The following PRTG variants were observed in gnomAD, a reference collection of about 807,000 sequenced individuals.
PRTG encodes protogenin.
PRTG carries 67 observed loss-of-function variants against 122.5 expected under a neutral mutation model. The observed-to-expected ratio is 0.55, with a 90% confidence interval of 0.45 to 0.67. PRTG has a LOEUF of 0.67. Ranked by LOEUF, PRTG falls within the 30% of genes least tolerant of loss-of-function variation. The pLI is 0.00. For missense variants in PRTG, 1,435 were observed against 1,415.4 expected (o/e 1.01, Z -0.22); for synonymous variants, 554 against 501.1 (o/e 1.11, Z -1.41).
intron 11 of PRTG, among the ~76,000 whole-genome samples, chr15:55,659,427 T>C (rs1371780502): frequency 1.3e-5 from 2 of 152,118 alleles, no homozygotes; most frequent in East Asian, 3.9e-4. Flanking sequence ...TCCTATTATC[T>C]TTCAGATCTC....
chr15:55,687,525 C>T (rs1214498245), intron 2 of PRTG, among the ~76,000 whole-genome samples: 1 of 152,134 alleles, frequency 6.6e-6, no homozygotes, highest in East Asian at 1.9e-4. Context: ...TTGAGCAGTT[C>T]CCCTTTTTTC....
intron 8 of PRTG, among the ~76,000 whole-genome samples, chr15:55,677,501 T>C (rs2059509237): frequency 6.6e-6 from 1 of 152,190 alleles, no homozygotes; most frequent in South Asian, 2.1e-4. Context: ...ATACCTTGTC[T>C]GGAATGAAAT....
At chr15:55,672,665 A>T in intron 10 of PRTG, 32 bp from the exon 11 acceptor site, 2 of 1,544,808 alleles carry the variant, frequency 1.3e-6, no homozygotes, top group Non-Finnish European at 1.8e-6. Flanking sequence ...TGTATGTATA[A>T]ACAACCCAAT....
intron 4 of PRTG, 21 bp downstream of exon 4, chr15:55,682,343 A>G (rs773792162): frequency 2.6e-6 from 4 of 1,547,776 alleles, no homozygotes; most frequent in African/African-American, 1.4e-5. Flanking sequence ...ATAAAAATGG[A>G]AAAACCACTC....
At chr15:55,710,727 A>G (rs977603708) in intron 2 of PRTG, among the ~76,000 whole-genome samples, 6 of 152,058 alleles carry the variant, frequency 3.9e-5, no homozygotes, top group Non-Finnish European at 5.9e-5. Context: ...TATTGCATTC[A>G]CTTGATTCCT....
chr15:55,645,910 A>C (rs2059319879), intron 11 of PRTG, among the ~76,000 whole-genome samples: 1 of 152,228 alleles, frequency 6.6e-6, no homozygotes, highest in Non-Finnish European at 1.5e-5. Context: ...AAAGCCCAGA[A>C]AGGGAAGGAG....
chr15:55,725,679 G>T (rs1189303026), intron 2 of PRTG, among the ~76,000 whole-genome samples: 1 of 152,038 alleles, frequency 6.6e-6, no homozygotes, highest in East Asian at 1.9e-4. Context: ...TACAATAAAT[G>T]CAAGTGGATT....
intron 2 of PRTG, among the ~76,000 whole-genome samples, chr15:55,737,213 A>G (rs187165439): frequency 8.1e-4 from 123 of 152,364 alleles, no homozygotes; most frequent in African/African-American, 2.9e-3. Flanking sequence ...CAGCTAGAAA[A>G]AGGGCATCCC....
At chr15:55,715,034 A>G (rs1168342145) in intron 2 of PRTG, among the ~76,000 whole-genome samples, 3 of 152,346 alleles carry the variant, frequency 2.0e-5, no homozygotes, top group South Asian at 2.1e-4. Context: ...TCAAACAAAA[A>G]TATTTTTCAT....
intron 2 of PRTG, among the ~76,000 whole-genome samples, chr15:55,717,562 G>A (rs1567112975): frequency 6.6e-6 from 1 of 152,216 alleles, no homozygotes; most frequent in African/African-American, 2.4e-5. Flanking sequence ...GCTCATAAAT[G>A]TATGTCAGTA....
chr15:55,655,058 A>G (rs1278078617), intron 11 of PRTG: 2 of 152,242 alleles, frequency 1.3e-5, no homozygotes. Context: ...GCAAGCTGGT[A>G]AATATCAGCT....
intron 4 of PRTG, 80 bp from the exon 5 acceptor site, chr15:55,680,708 TATCACTCACTTTTCTTTTTTTAA>T: frequency 1.1e-6 from 1 of 933,796 alleles, no homozygotes; most frequent in South Asian, 3.6e-5. Flanking sequence ...CATTTATTCT[TATCACTCACTTTTCTTTTTTTAA>T]AACAACTTTA....
In PRTG at chr15:55,675,451, T is replaced by G. The variant is rs140985611; in HGVS notation, c.1546+68A>C. 3,550 of 1,142,208 alleles carry G rather than the reference T, an allele frequency of 3.1e-3. 5 individuals carry two copies. Among genetic ancestry groups the G allele is most frequent in the Middle Eastern group, 0.017 (80 of 4,826 alleles). 70.8% of individuals were successfully genotyped at this position (1,142,208 alleles called of 1,614,324 possible). A position where few individuals can be genotyped will look rare whatever the true frequency, so the allele number is the denominator to read the frequency against. On this transcript the variant is annotated intron_variant, in intron 9 of 19. Transcript: ENST00000389286. ...AGAGGATATTTTCTTTAAAACACAT[T>G]TATTCATTGAAATTGACAAAACATA...
intron 17 of PRTG, among the ~76,000 whole-genome samples, chr15:55,625,317 C>T (rs935910643): frequency 1.3e-5 from 2 of 152,190 alleles, no homozygotes; most frequent in African/African-American, 4.8e-5. Context: ...TTTGTTTTAA[C>T]CCTTGTCTAG....
intron 2 of PRTG, among the ~76,000 whole-genome samples, chr15:55,702,374 T>C (rs945720675): frequency 9.9e-5 from 15 of 152,188 alleles, no homozygotes; most frequent in African/African-American, 3.4e-4. Context: ...ATCCACAGAA[T>C]AGAGTCTTTT....
At position 55,616,627 on chromosome 15, in the gene PRTG, T is replaced by C. The variant is rs1342344925; in HGVS notation, c.*3385A>G. On this transcript the variant is annotated 3_prime_UTR_variant, in exon 20 of 20. Transcript: ENST00000389286. ...ATACAGACTGTGTTCCGAAGAGACA[T>C]GTTTGGTTTAACATAAAAACAAGAA... The C allele has an allele frequency of 1.3e-5, 2 of 152,170 alleles. No individual in the cohort carries two copies. Among genetic ancestry groups the C allele is most frequent in the African/African-American group, 2.4e-5 (1 of 41,454 alleles). The allele number at this position is 152,170 out of a possible 1,614,324, so 9.4% of individuals were successfully genotyped here.
intron 2 of PRTG, among the ~76,000 whole-genome samples, chr15:55,719,044 C>T (rs1378344865): frequency 6.6e-6 from 1 of 152,142 alleles, no homozygotes; most frequent in African/African-American, 2.4e-5. Context: ...CGTGCCCAGC[C>T]TCAAATTACT....
At chr15:55,666,620 G>A (rs901014680) in intron 11 of PRTG, among the ~76,000 whole-genome samples, 5 of 152,076 alleles carry the variant, frequency 3.3e-5, no homozygotes, top group Admixed American at 6.5e-5. Context: ...AGCTCAAGAC[G>A]CATTAGCTTT....
chr15:55,702,681 G>A (rs1362574127), intron 2 of PRTG, among the ~76,000 whole-genome samples: 1 of 152,180 alleles, frequency 6.6e-6, no homozygotes, highest in Non-Finnish European at 1.5e-5. Flanking sequence ...AACAGGAGGA[G>A]CCAGAAACCT....
Sources: gnomAD v4.1 joint callset for allele counts (sites outside exome capture counted in the v4.1 genomes callset) on GRCh38, gnomAD v4.1.1 for gene constraint, MANE v1.5 for transcripts, NCBI Gene and HGNC (gene_info 2026-07-23, HGNC 2026-07-21) for gene names.